The following NAPRT variants were observed in gnomAD, a reference collection of about 807,000 sequenced individuals.
NAPRT encodes the protein nicotinate phosphoribosyltransferase, also known as FHA-HIT-interacting protein.
NAPRT carries 66 observed loss-of-function variants against 60.7 expected under a neutral mutation model. That is an observed-to-expected ratio of 1.09 (90% CI 0.89 to 1.33). The LOEUF (loss-of-function observed/expected upper bound fraction) is 1.33, where lower values mean the gene tolerates loss of function less well. Among genes scored for constraint, NAPRT ranks in the 40% most tolerant of loss-of-function variants. The pLI is 0.00. For missense variants in NAPRT, 818 were observed against 731.5 expected (o/e 1.12, Z -1.36); for synonymous variants, 405 against 335.7 (o/e 1.21, Z -2.26).
chr8:143,575,603 C>T lies in NAPRT; in HGVS notation c.1188+19G>A, dbSNP rs757781315. ...TCCCTCAGACCTGCCCCCACCTGGG[C>T]CCCCGACACTGTCCCTACCTTATAG... is the stretch of plus-strand genomic sequence containing the variant. On this transcript the variant is annotated intron_variant, in intron 9 of 12. Coordinates refer to ENST00000449291, the MANE Select transcript of NAPRT (RefSeq NM_145201.6). 1.6e-5 allele frequency: 25 copies of T among 1,585,804 alleles called. No individual in the cohort carries two copies. Among genetic ancestry groups the T allele is most frequent in the Non-Finnish European group, 2.0e-5 (23 of 1,165,788 alleles).
rs746163132 is a variant in NAPRT at position 143,578,242 on chromosome 8, G to A, written c.77C>T (p.Ala26Val). Residue 26 changes from alanine to valine, a missense_variant, in exon 1 of 13, where the codon GCG (alanine) becomes GTG (valine). Coordinates refer to ENST00000449291, the MANE Select transcript of NAPRT (RefSeq NM_145201.6). ...CCGGCCCGCGCGCCAATAGCCCAAC[G>A]CCATGGTGGCCTGGTAGAGGTCAGT... ...LLTDLYQATM[A>V]LGYWRAGRAR... 2.1e-5 allele frequency: 32 copies of A among 1,498,256 alleles called. No individual in the cohort carries two copies. The highest frequency in any genetic ancestry group is 2.7e-5 in the Non-Finnish European group (30 of 1,129,048). The allele number at this position is 1,498,256 out of a possible 1,614,324, so 92.8% of individuals were successfully genotyped here. A position where few individuals can be genotyped will look rare whatever the true frequency, so the allele number is the denominator to read the frequency against.
Position 143,576,452 on chromosome 8 carries a change from G to A in NAPRT, c.1002C>T (p.Val334=), listed in dbSNP as rs1318513514. ...LLQQAQEIRK[V]FRAAAAQFQV... is the part of the protein sequence containing the mutation. ...CTCACTGGGCTGCAGCAGCTCGGAA[G>A]ACCTTGCGGATCTCCTGAGCCTGCT... is the stretch of plus-strand genomic sequence containing the variant. Residue 334 remains valine, a synonymous_variant, in exon 7 of 13, where the codon GTC becomes GTT. Transcript: ENST00000449291. 6.2e-7 allele frequency: 1 copy of A among 1,609,602 alleles called. No homozygotes were observed. Among genetic ancestry groups the A allele is most frequent in the Non-Finnish European group, 8.5e-7 (1 of 1,177,964 alleles).
Position 143,574,875 on chromosome 8 carries a change from G to A in NAPRT, c.1580C>T (p.Ala527Val). Reference sequence around the variant, plus strand: ...CCCCGCACACAGACTGTTCACCAGGGCCTGCAGCCTCTCGGACAGCACCAC... The same window carrying A: ...CCCCGCACACAGACTGTTCACCAGGACCTGCAGCCTCTCGGACAGCACCAC... The part of the protein sequence containing the change: ...YQVVLSERLQ[A>V]LVNSLCAGQS... Residue 527 changes from alanine to valine, a missense_variant, in exon 13 of 13, where the codon GCC (alanine) becomes GTC (valine). Physicochemically the swap from Ala to Val is moderately conservative, Grantham distance 64. Coordinates refer to ENST00000449291, the MANE Select transcript of NAPRT (RefSeq NM_145201.6). 2 of 1,550,634 alleles carry A rather than the reference G, an allele frequency of 1.3e-6. No homozygotes were observed. Among genetic ancestry groups the A allele is most frequent in the Non-Finnish European group, 8.7e-7 (1 of 1,147,000 alleles).
rs765547263 is a variant in NAPRT, at chr8:143,576,159, G to T, written c.1026C>A (p.Phe342Leu). ...RKVFRAAAAQ[F>L]QVPWLESVLI... is the part of the protein sequence containing the mutation. ...GGACTGACTCCAGCCAGGGCACCTG[G>T]AACCTGCCGCGTGGGTGGAGAAAGG... Residue 342 changes from phenylalanine to leucine, a missense_variant, in exon 8 of 13, where the codon TTC becomes TTA. Coordinates refer to ENST00000449291, the MANE Select transcript of NAPRT (RefSeq NM_145201.6). 1 of 1,595,206 alleles carries T rather than the reference G, an allele frequency of 6.3e-7. No individual in the cohort carries two copies. The highest frequency in any genetic ancestry group is 2.3e-5 in the East Asian group (1 of 44,174).
Position 143,576,521 on chromosome 8 carries a change from G to A in NAPRT, c.933C>T (p.Gly311=). 6.2e-7 allele frequency: 1 copy of A among 1,612,402 alleles called. No individual in the cohort carries two copies. The highest frequency in any genetic ancestry group is 8.5e-7 in the Non-Finnish European group (1 of 1,179,754). Residue 311 remains glycine, a synonymous_variant, in exon 7 of 13, where the codon GGC becomes GGT. Transcript: ENST00000449291. ...LAVALALGEL[G]YRAVGVRLDS... ...CCAGCCTCACGCCCACTGCCCGGTAGCCCAGCTCTCCCAGGGCCAGGGCGA... is the reference window on the plus strand; with the variant it reads ...CCAGCCTCACGCCCACTGCCCGGTAACCCAGCTCTCCCAGGGCCAGGGCGA...
Position 143,575,611 on chromosome 8 carries a change from A to G in NAPRT, c.1188+11T>C, listed in dbSNP as rs372850635. 12 of 1,590,004 alleles carry G rather than the reference A, an allele frequency of 7.5e-6. No individual in the cohort carries two copies. The highest frequency in any genetic ancestry group is 1.0e-5 in the Non-Finnish European group (12 of 1,168,552). The stretch of plus-strand genomic sequence containing the variant: ...ACCTGCCCCCACCTGGGCCCCCGAC[A>G]CTGTCCCTACCTTATAGACGCCACC... On this transcript the variant is annotated intron_variant, in intron 9 of 12. Coordinates refer to ENST00000449291, the MANE Select transcript of NAPRT (RefSeq NM_145201.6).
chr8:143,575,175 G>T lies in NAPRT; in HGVS notation c.1446+16C>A. Reference sequence around the variant, plus strand: ...ACCGGGGCTGGGGGTCAGGATGAGGGCGGTGGGGCAGCCACCTGTCCCTGC... The same window carrying T: ...ACCGGGGCTGGGGGTCAGGATGAGGTCGGTGGGGCAGCCACCTGTCCCTGC... On this transcript the variant is annotated intron_variant, in intron 11 of 12. Coordinates refer to ENST00000449291, the MANE Select transcript of NAPRT (RefSeq NM_145201.6). 6.3e-7 allele frequency: 1 copy of T among 1,599,558 alleles called. No homozygotes were observed. The highest frequency in any genetic ancestry group is 8.5e-7 in the Non-Finnish European group (1 of 1,173,526).
intron 3 of NAPRT, 122 bp downstream of exon 3, chr8:143,577,535 G>A: frequency 6.9e-7 from 1 of 1,450,140 alleles, no homozygotes; most frequent in South Asian, 1.3e-5. Flanking sequence ...CTGAAGAGTG[G>A]GGGCGGGAGG....
chr8:143,575,679 G>A lies in NAPRT; in HGVS notation c.1131C>T (p.Gly377=), dbSNP rs746233783. The A allele has an allele frequency of 3.0e-5, 47 of 1,592,384 alleles. No homozygotes were observed. Among genetic ancestry groups the A allele is most frequent in the Non-Finnish European group, 3.8e-5 (45 of 1,170,360 alleles). The change falls in exon 9 of 13, where the codon GGC becomes GGT. Residue 377 remains glycine (G), a synonymous_variant. Coordinates refer to ENST00000449291, the MANE Select transcript of NAPRT (RefSeq NM_145201.6). ...GGCAGGTGACCACACTGGTGCCAAT[G>A]CCAATGACATTCACCTCACTGCCCT... ...AQEGSEVNVI[G]IGTSVVTCPQ... is the part of the protein sequence containing the mutation.
chr8:143,577,779 C>T, intron 2 of NAPRT, 37 bp downstream of exon 2: 1 of 1,574,196 alleles, frequency 6.4e-7, no homozygotes, highest in East Asian at 2.3e-5. Flanking sequence ...GGCCCAGCAC[C>T]CCGTGGCCGC....
intron 12 of NAPRT, 23 bp from the exon 13 acceptor site, chr8:143,574,923 G>C: frequency 6.4e-7 from 1 of 1,550,564 alleles, no homozygotes. Flanking sequence ...GAGGACAGGA[G>C]CGGTGGGCAG....
chr8:143,577,220 T>G (rs778821817), intron 4 of NAPRT, 43 bp from the exon 5 acceptor site: 3 of 1,604,976 alleles, frequency 1.9e-6, no homozygotes, highest in African/African-American at 2.7e-5. Context: ...CGGGCCAAGA[T>G]GGGGCTCCTC....
rs1824346430 is a variant in NAPRT, at chr8:143,575,232, G to C, written c.1405C>G (p.Gln469Glu). Residue 469 changes from glutamine to glutamate, a missense_variant, in exon 11 of 13, where the codon CAG (glutamine) becomes GAG (glutamate). Physicochemically the swap from Gln to Glu is conservative, Grantham distance 29. Transcript: ENST00000449291. ...CAGAGCCGCAGTAGTGGCTCCACCT[G>C]GGCTGGCCTCACGGTGCAGGGCTCC... Reference protein sequence around the residue: ...AQEPCTVRPAQVEPLLRLCLQ... With the variant: ...AQEPCTVRPAEVEPLLRLCLQ... 6.2e-7 allele frequency: 1 copy of C among 1,612,092 alleles called. No individual in the cohort carries two copies. Among genetic ancestry groups the C allele is most frequent in the Non-Finnish European group, 8.5e-7 (1 of 1,179,780 alleles).
chr8:143,575,334 T>C lies in NAPRT; in HGVS notation c.1303A>G (p.Met435Val). Reference sequence around the variant, plus strand: ...TCTTCTGCTAACTGCAGCATGTCCATGAGTGGAGACCCTGTGTGGACGGGG... The same window carrying C: ...TCTTCTGCTAACTGCAGCATGTCCACGAGTGGAGACCCTGTGTGGACGGGG... ...RLLGSDGSPL[M>V]DMLQLAEEPV... Residue 435 changes from methionine (M) to valine (V), a missense_variant, in exon 11 of 13, where the codon ATG becomes GTG. Physicochemically the swap from Met to Val is conservative, Grantham distance 21. Transcript: ENST00000449291. 1.2e-6 allele frequency: 2 copies of C among 1,612,488 alleles called. No individual in the cohort carries two copies. The highest frequency in any genetic ancestry group is 1.7e-6 in the Non-Finnish European group (2 of 1,179,710).
At position 143,574,888 on chromosome 8, in the gene NAPRT, C is replaced by G; in HGVS notation, c.1567G>C (p.Glu523Gln). 1 of 1,550,644 alleles carries G rather than the reference C, an allele frequency of 6.4e-7. No individual in the cohort carries two copies. The highest frequency in any genetic ancestry group is 8.7e-7 in the Non-Finnish European group (1 of 1,146,998). Residue 523 changes from glutamate to glutamine, a missense_variant, in exon 13 of 13, where the codon GAG becomes CAG. Coordinates refer to ENST00000449291, the MANE Select transcript of NAPRT (RefSeq NM_145201.6). ...SPAQYQVVLS[E>Q]RLQALVNSLC... ...CTGTTCACCAGGGCCTGCAGCCTCTCGGACAGCACCACCTGCAGGGAGCAG... is the reference window on the plus strand; with the variant it reads ...CTGTTCACCAGGGCCTGCAGCCTCTGGGACAGCACCACCTGCAGGGAGCAG...
chr8:143,577,138 C>G lies in NAPRT; in HGVS notation c.608G>C (p.Arg203Pro). The change falls in exon 5 of 13, where the codon CGA (arginine) becomes CCA (proline). Residue 203 changes from arginine (R) to proline (P), a missense_variant. Physicochemically the swap from Arg to Pro is moderately radical, Grantham distance 103 (BLOSUM62 -2). Coordinates refer to ENST00000449291, the MANE Select transcript of NAPRT (RefSeq NM_145201.6). ...CAGGGTCCCGGCCACCGGCACACCT[C>G]GCAGCTGGCCCGCTAGCACGTTGCT... ...SSSNVLAGQL[R>P]GVPVAGTLAH... The G allele has an allele frequency of 6.2e-7, 1 of 1,612,886 alleles. No individual in the cohort carries two copies. The highest frequency in any genetic ancestry group is 8.5e-7 in the Non-Finnish European group (1 of 1,179,896).
At chr8:143,576,322 C>G in intron 7 of NAPRT, 110 bp downstream of exon 7, 1 of 1,462,478 alleles carries the variant, frequency 6.8e-7, no homozygotes, top group African/African-American at 1.4e-5. Flanking sequence ...CCTGCCACGG[C>G]CTGCAGTATC....
chr8:143,574,324 C>G (rs1824267167), downstream of NAPRT, among the ~76,000 whole-genome samples: 1 of 152,224 alleles, frequency 6.6e-6, no homozygotes, highest in Non-Finnish European at 1.5e-5. Context: ...GCAGGAGACA[C>G]CTGAGCACTC....
chr8:143,578,051 T>C, intron 1 of NAPRT, 42 bp downstream of exon 1: 1 of 1,420,048 alleles, frequency 7.0e-7, no homozygotes, highest in Non-Finnish European at 9.4e-7. Context: ...GGTGGGGGTT[T>C]CTGCCGGGCG....
Sources: allele counts gnomAD v4.1 joint callset (sites outside exome capture counted in the v4.1 genomes callset), GRCh38; gene constraint gnomAD v4.1.1; transcripts MANE v1.5; gene names NCBI Gene and HGNC (gene_info 2026-07-23, HGNC 2026-07-21).